Variants in B4GALT5 observed in about 807,000 individuals in gnomAD.
The protein encoded by B4GALT5 is beta-1,4-galactosyltransferase 5, also known as UDP-Gal:beta-GlcNAc beta-1,4-galactosyltransferase 5.
B4GALT5 carries 11 observed loss-of-function variants against 45.0 expected under a neutral mutation model. The observed-to-expected ratio is 0.24, with a 90% CI of 0.15 to 0.40. The LOEUF is 0.40. Ranked by LOEUF, B4GALT5 falls within the 10% of genes least tolerant of loss-of-function variation. B4GALT5 has a pLI of 1.00. For synonymous variants in B4GALT5, 185 were observed against 182.9 expected, an observed-to-expected ratio of 1.01 and a Z score of -0.09; for missense variants, 337 against 500.2, an observed-to-expected ratio of 0.67 and a Z score of 3.11.
intron 1 of B4GALT5, among the ~76,000 whole-genome samples, chr20:49,660,405 C>T (rs2085660476): frequency 6.6e-6 from 1 of 152,224 alleles, no homozygotes; most frequent in Non-Finnish European, 1.5e-5. Context: ...CAAACCAGAA[C>T]ATCAAGTGAG....
At chr20:49,695,233 C>T (rs1038073200) in intron 1 of B4GALT5, among the ~76,000 whole-genome samples, 1 of 147,808 alleles carries the variant, frequency 6.8e-6, no homozygotes, top group Non-Finnish European at 1.5e-5. Flanking sequence ...CAGACTTTTG[C>T]TCATGTTGCC....
intron 1 of B4GALT5, among the ~76,000 whole-genome samples, chr20:49,693,380 C>G (rs1179674890): frequency 1.3e-5 from 2 of 152,166 alleles, no homozygotes; most frequent in Non-Finnish European, 2.9e-5. Context: ...GAAGTTCGAA[C>G]AGAATGGTCC....
At chr20:49,673,236 T>C (rs1380725482) in intron 1 of B4GALT5, among the ~76,000 whole-genome samples, 1 of 151,884 alleles carries the variant, frequency 6.6e-6, no homozygotes, top group Non-Finnish European at 1.5e-5. Context: ...AAAAATTAGC[T>C]GGGCGTGGTG....
At chr20:49,644,836 T>C (rs966121125) in intron 3 of B4GALT5, among the ~76,000 whole-genome samples, 10 of 152,336 alleles carry the variant, frequency 6.6e-5, no homozygotes, top group Non-Finnish European at 1.3e-4. Context: ...CACGACTATT[T>C]CTAACATTTT....
chr20:49,697,818 T>G (rs1162200787), intron 1 of B4GALT5, among the ~76,000 whole-genome samples: 1 of 152,198 alleles, frequency 6.6e-6, no homozygotes, highest in Non-Finnish European at 1.5e-5. Context: ...CAGTTGAAAT[T>G]ATTAAATGTT....
chr20:49,713,540 A>T (rs894602937), intron 1 of B4GALT5, 36 bp downstream of exon 1: 2 of 1,541,428 alleles, frequency 1.3e-6, no homozygotes, highest in East Asian at 5.0e-5. Context: ...TCAAGGCCAG[A>T]GCGGCAGCCG....
intron 3 of B4GALT5, 81 bp downstream of exon 3, chr20:49,646,884 G>T: frequency 1.2e-6 from 1 of 827,514 alleles, no homozygotes; most frequent in Non-Finnish European, 1.9e-6. Context: ...TATTCTCTCT[G>T]CAGGCAGACA....
intron 1 of B4GALT5, among the ~76,000 whole-genome samples, chr20:49,679,271 T>C (rs866387788): frequency 3.9e-5 from 6 of 152,074 alleles, no homozygotes; most frequent in Non-Finnish European, 8.8e-5. Context: ...GCTGTTTCGT[T>C]GTTGTTGTTT....
At chr20:49,656,487 T>C (rs1020343052) in intron 2 of B4GALT5, 81 bp downstream of exon 2, 38 of 1,557,346 alleles carry the variant, frequency 2.4e-5, no homozygotes, top group African/African-American at 4.1e-5. Flanking sequence ...GCTTTTCCCA[T>C]TGAAAATAAT....
At chr20:49,706,913 A>G (rs757855872) in intron 1 of B4GALT5, among the ~76,000 whole-genome samples, 9 of 152,178 alleles carry the variant, frequency 5.9e-5, no homozygotes, top group Non-Finnish European at 8.8e-5. Context: ...GGAAGCAAGA[A>G]GTCAATTGTA....
Position 49,654,924 on chromosome 20 carries a change from T to C in B4GALT5, c.250+1644A>G, listed in dbSNP as rs546819073. ...GAGTACAAGACCAGACTGGGCAACA[T>C]GGTGAAAGCCGTGTCTACAAAAAAT... is the stretch of plus-strand genomic sequence containing the variant. On this transcript the variant is annotated intron_variant, in intron 2 of 8. Coordinates refer to ENST00000371711, the MANE Select transcript of B4GALT5 (RefSeq NM_004776.4). Among the ~76,000 whole-genome samples, 464 of 152,048 alleles carry C rather than the reference T, an allele frequency of 3.1e-3. 3 individuals carry two copies. Among genetic ancestry groups the C allele is most frequent in the Non-Finnish European group, 4.7e-3 (319 of 67,982 alleles).
At position 49,635,243 on chromosome 20, in the gene B4GALT5, G is replaced by GCC. The variant is rs559945649; in HGVS notation, c.*1067_*1068dup. ...TACACACCCCCGCCCCCCGCCCCCCGCCCCGCCATGCTGATGAAAAGACAG... is the reference window on the plus strand; with the variant it reads ...TACACACCCCCGCCCCCCGCCCCCCGCCCCCCGCCATGCTGATGAAAAGACAG... On this transcript the variant is annotated 3_prime_UTR_variant, in exon 9 of 9. Transcript: ENST00000371711. 1.2e-5 allele frequency: 1 copy of GCC among 85,146 alleles called. No individual in the cohort carries two copies. Among genetic ancestry groups the GCC allele is most frequent in the Non-Finnish European group, 2.3e-5 (1 of 44,348 alleles). 5.3% of individuals were successfully genotyped at this position (85,146 alleles called of 1,614,324 possible). A position where few individuals can be genotyped will look rare whatever the true frequency, so the allele number is the denominator to read the frequency against.
chr20:49,674,227 C>T (rs930547386), intron 1 of B4GALT5, among the ~76,000 whole-genome samples: 1 of 132,894 alleles, frequency 7.5e-6, no homozygotes, highest in Non-Finnish European at 1.6e-5. Flanking sequence ...AAGACTCCAT[C>T]TCAAAAAAAA....
At chr20:49,636,503 T>A in intron 8 of B4GALT5, 44 bp from the exon 9 acceptor site, 1 of 1,603,626 alleles carries the variant, frequency 6.2e-7, no homozygotes, top group Non-Finnish European at 8.5e-7. Flanking sequence ...TGAGTGAGGA[T>A]CCATGCCTCT....
At chr20:49,709,578 C>A (rs2085899143) in intron 1 of B4GALT5, among the ~76,000 whole-genome samples, 1 of 152,098 alleles carries the variant, frequency 6.6e-6, no homozygotes, top group East Asian at 1.9e-4. Flanking sequence ...TCGAGACGAA[C>A]CTGGCCAACA....
intron 1 of B4GALT5, among the ~76,000 whole-genome samples, chr20:49,677,492 G>A (rs184766006): frequency 7.2e-5 from 11 of 152,276 alleles, no homozygotes; most frequent in Admixed American, 5.9e-4. Flanking sequence ...GAAATGCTAG[G>A]TGCAAACATT....
intron 1 of B4GALT5, among the ~76,000 whole-genome samples, chr20:49,692,414 C>T (rs1010330289): frequency 6.6e-6 from 1 of 152,082 alleles, no homozygotes; most frequent in African/African-American, 2.4e-5. Flanking sequence ...CTGCAGTGAG[C>T]TATGATCGCA....
At chr20:49,644,229 CTTTT>C (rs1008945212) in intron 3 of B4GALT5, among the ~76,000 whole-genome samples, 1 of 147,394 alleles carries the variant, frequency 6.8e-6, no homozygotes, top group African/African-American at 2.5e-5. Context: ...GCCCAGCCTT[CTTTT>C]TTTTTTGTTT....
intron 3 of B4GALT5, 96 bp downstream of exon 3, chr20:49,646,869 A>C: frequency 1.4e-6 from 1 of 720,236 alleles, no homozygotes; most frequent in East Asian, 2.9e-5. Context: ...GCAGGGAGGT[A>C]TTTATATTCT....
Sources: allele counts gnomAD v4.1 joint callset (sites outside exome capture counted in the v4.1 genomes callset), GRCh38; gene constraint gnomAD v4.1.1; transcripts MANE v1.5; gene names NCBI Gene and HGNC (gene_info 2026-07-23, HGNC 2026-07-21).